ATP8A2: variants seen among roughly 807,000 people sequenced by gnomAD.
The protein encoded by ATP8A2 is phospholipid-transporting ATPase IB.
Under a neutral mutation model 165.6 loss-of-function variants are expected in ATP8A2, and 100 were observed. That is an observed-to-expected ratio of 0.60 (90% CI 0.51 to 0.71). ATP8A2 has a LOEUF of 0.71. Ranked by LOEUF, ATP8A2 falls within the 30% of genes least tolerant of loss-of-function variation. The pLI, the probability that ATP8A2 is intolerant of heterozygous loss-of-function variation, is 0.00. For missense variants in ATP8A2, 1,227 were observed against 1,479.5 expected (o/e 0.83, Z 2.80); for synonymous variants, 543 against 548.8 (o/e 0.99, Z 0.15).
chr13:25,502,013 A>G (rs1213977439), intron 2 of ATP8A2, among the ~76,000 whole-genome samples: 1 of 152,252 alleles, frequency 6.6e-6, no homozygotes, highest in East Asian at 1.9e-4. Context: ...GGAGCTCAAG[A>G]AAGGCATTGT....
intron 33 of ATP8A2, among the ~76,000 whole-genome samples, chr13:25,899,272 G>A (rs1410296333): frequency 6.6e-6 from 1 of 152,218 alleles, no homozygotes; most frequent in Non-Finnish European, 1.5e-5. Flanking sequence ...GGCAGCTTGG[G>A]ATGGCCTGCC....
intron 30 of ATP8A2, among the ~76,000 whole-genome samples, chr13:25,840,445 G>A (rs1039917393): frequency 2.6e-5 from 4 of 152,160 alleles, no homozygotes; most frequent in Non-Finnish European, 4.4e-5. Context: ...CATCCTCACT[G>A]ATATTCTTTA....
At chr13:25,774,540 G>A (rs1191426631) in intron 26 of ATP8A2, among the ~76,000 whole-genome samples, 1 of 152,178 alleles carries the variant, frequency 6.6e-6, no homozygotes, top group African/African-American at 2.4e-5. Context: ...TTCACATCCT[G>A]CACATGTATC....
intron 25 of ATP8A2, among the ~76,000 whole-genome samples, chr13:25,763,259 G>A (rs147037359): frequency 4.6e-5 from 7 of 152,190 alleles, no homozygotes; most frequent in South Asian, 2.1e-4. Context: ...TTCAAAATAC[G>A]TCCCACCTTA....
intron 6 of ATP8A2, among the ~76,000 whole-genome samples, chr13:25,536,084 A>G (rs1270470171): frequency 6.6e-6 from 1 of 152,034 alleles, no homozygotes; most frequent in African/African-American, 2.4e-5. Context: ...TTTATATGTA[A>G]TTAAACTATT....
chr13:25,755,542 TTG>T (rs1229670994), intron 25 of ATP8A2, among the ~76,000 whole-genome samples: 1 of 152,224 alleles, frequency 6.6e-6, no homozygotes, highest in Non-Finnish European at 1.5e-5. Context: ...ACTATCTTAT[TTG>T]TGTTATTCAT....
intron 33 of ATP8A2, among the ~76,000 whole-genome samples, chr13:25,949,371 T>C (rs558918641): frequency 7.9e-5 from 12 of 152,338 alleles, no homozygotes; most frequent in Admixed American, 2.0e-4. Flanking sequence ...CTGTCCTAAA[T>C]ACTGCGCGTT....
chr13:25,860,252 A>T lies in ATP8A2; in HGVS notation c.3014A>T (p.Tyr1005Phe). 6.2e-7 allele frequency: 1 copy of T among 1,606,838 alleles called. No individual in the cohort carries two copies. The highest frequency in any genetic ancestry group is 8.5e-7 in the Non-Finnish European group (1 of 1,173,832). Residue 1005 changes from tyrosine (Y) to phenylalanine (F), a missense_variant, in exon 31 of 37, where the codon TAC becomes TTC. By Grantham distance (22) the Tyr-to-Phe change is conservative (BLOSUM62 3). This residue lies in a region of ATP8A2 where 260 missense variants were observed against 245.1 expected (regional missense o/e 1.06). Transcript: ENST00000381655. ...TATTTATTTGTTGGAAATATTGTTT[A>T]CACAGTAAGTTTATCTCTGTTTATT... The part of the protein sequence containing the change: ...TDYLFVGNIV[Y>F]TYVVVTVCLK...
chr13:25,586,489 C>T (rs968895045), intron 23 of ATP8A2, among the ~76,000 whole-genome samples: 3 of 152,182 alleles, frequency 2.0e-5, no homozygotes, highest in Non-Finnish European at 2.9e-5. Context: ...CCTCAGCTCC[C>T]TGGTTCTCTG....
intron 8 of ATP8A2, 123 bp from the exon 9 acceptor site, chr13:25,541,796 G>T (rs2038485683): frequency 2.0e-6 from 2 of 1,019,136 alleles, no homozygotes; most frequent in Admixed American, 2.4e-5. Context: ...TGACTTGTTA[G>T]CCCCCCAAAT....
intron 27 of ATP8A2, among the ~76,000 whole-genome samples, chr13:25,783,377 A>G (rs2044936556): frequency 6.6e-6 from 1 of 152,266 alleles, no homozygotes; most frequent in Non-Finnish European, 1.5e-5. Context: ...GGAATTAACT[A>G]GAAATGTAAA....
intron 33 of ATP8A2, among the ~76,000 whole-genome samples, chr13:25,895,922 CTCT>C (rs370434626): frequency 0.011 from 1,619 of 152,176 alleles, 27 homozygotes; most frequent in African/African-American, 0.037. Context: ...ATTCTTCTCT[CTCT>C]TCTTCTTTAT....
At chr13:25,898,605 CT>C (rs918581873) in intron 33 of ATP8A2, among the ~76,000 whole-genome samples, 2 of 152,220 alleles carry the variant, frequency 1.3e-5, no homozygotes, top group Admixed American at 1.3e-4. Context: ...TTTTGTTTGT[CT>C]GTGCCCTGCC....
intron 28 of ATP8A2, 24 bp from the exon 29 acceptor site, chr13:25,837,139 A>G: frequency 6.2e-7 from 1 of 1,608,844 alleles, no homozygotes; most frequent in Non-Finnish European, 8.5e-7. Context: ...GGCTGCTTTT[A>G]ATGGCTCATT....
chr13:25,744,668 G>A (rs2043990532), intron 25 of ATP8A2, among the ~76,000 whole-genome samples: 1 of 152,120 alleles, frequency 6.6e-6, no homozygotes, highest in East Asian at 1.9e-4. Context: ...TGAGATGTTG[G>A]TTAGAATTCT....
chr13:25,826,338 A>G (rs1015543167), intron 27 of ATP8A2, among the ~76,000 whole-genome samples: 19 of 152,346 alleles, frequency 1.2e-4, no homozygotes, highest in Admixed American at 1.2e-3. Context: ...AGGGAGCCCT[A>G]GTAGTTTTTT....
intron 24 of ATP8A2, among the ~76,000 whole-genome samples, chr13:25,606,866 C>T (rs1410594906): frequency 6.6e-6 from 1 of 152,064 alleles, no homozygotes; most frequent in African/African-American, 2.4e-5. Context: ...TTTTAATAGC[C>T]ACATGTGACT....
rs184131321 is a variant in ATP8A2 at position 25,817,645 on chromosome 13, C to T, written c.2680-10473C>T. Among the ~76,000 whole-genome samples, 14 of 152,022 alleles carry T rather than the reference C, an allele frequency of 9.2e-5. No individual in the cohort carries two copies. In the East Asian group the frequency reaches 1.9e-3, roughly 21 times the overall value. On this transcript the variant is annotated intron_variant, in intron 27 of 36. Transcript: ENST00000381655. ...TGTAATAATTTCTATTTTATACTCTCAAGATTAAAATTCCAGTCCTTTTAT... is the reference window on the plus strand; with the variant it reads ...TGTAATAATTTCTATTTTATACTCTTAAGATTAAAATTCCAGTCCTTTTAT...
chr13:25,808,423 A>T (rs1318525534), intron 27 of ATP8A2, among the ~76,000 whole-genome samples: 1 of 151,794 alleles, frequency 6.6e-6, no homozygotes, highest in Non-Finnish European at 1.5e-5. Context: ...ACGTGGTGAA[A>T]TCCCATCTCT....
Sources: allele counts gnomAD v4.1 joint callset (sites outside exome capture counted in the v4.1 genomes callset), GRCh38; gene constraint gnomAD v4.1.1; regional missense constraint gnomAD v4.1.1; transcripts MANE v1.5; gene names NCBI Gene and HGNC (gene_info 2026-07-23, HGNC 2026-07-21).